The following TMED3 variants were observed in gnomAD, a reference collection of about 807,000 sequenced individuals.
TMED3 encodes the protein transmembrane p24 trafficking protein 3.
TMED3 carries 9 observed loss-of-function variants against 15.0 expected under a neutral mutation model. That is an observed-to-expected ratio of 0.60 (90% CI 0.36 to 1.04). The LOEUF (loss-of-function observed/expected upper bound fraction) is 1.04, where lower values mean the gene tolerates loss of function less well. Among genes scored for constraint, TMED3 ranks in the 50% least tolerant of loss-of-function variants. The probability of loss-of-function intolerance (pLI) is 0.01; values close to 1 mark genes in which losing one functional copy is unlikely to be tolerated. For synonymous variants in TMED3, 117 were observed against 121.4 expected (o/e 0.96, Z 0.24); for missense variants, 267 against 278.9 (o/e 0.96, Z 0.30).
At chr15:79,350,369 C>T (rs12904868) in intron 2 of TMED3, among the ~76,000 whole-genome samples, 14,236 of 152,108 alleles carry the variant, frequency 0.094, 710 homozygotes, top group Admixed American at 0.12. Context: ...GAAGCCAGTC[C>T]GAGTCCCAAA....
intron 2 of TMED3, among the ~76,000 whole-genome samples, chr15:79,371,506 G>A (rs1460575939): frequency 6.6e-6 from 1 of 152,212 alleles, no homozygotes; most frequent in Non-Finnish European, 1.5e-5. Flanking sequence ...CTAGCCAAGT[G>A]AGGAGAATGG....
chr15:79,340,954 G>A (rs2058849379), intron 2 of TMED3, among the ~76,000 whole-genome samples: 1 of 152,148 alleles, frequency 6.6e-6, no homozygotes, highest in Admixed American at 6.5e-5. Context: ...AGCACTTTGG[G>A]AGGCCAAGGC....
intron 2 of TMED3, among the ~76,000 whole-genome samples, chr15:79,334,406 AG>A (rs751700515): frequency 9.2e-5 from 14 of 152,328 alleles, no homozygotes; most frequent in Non-Finnish European, 2.9e-5. Context: ...TGTGAGCAGC[AG>A]GGGTGACCCC....
intron 2 of TMED3, among the ~76,000 whole-genome samples, chr15:79,364,194 G>A (rs976739450): frequency 6.6e-6 from 1 of 152,144 alleles, no homozygotes; most frequent in Admixed American, 6.5e-5. Context: ...AAGCTGATGG[G>A]ACTGGGTTCC....
chr15:79,328,914 G>A (rs1344180254), intron 2 of TMED3, among the ~76,000 whole-genome samples: 1 of 152,166 alleles, frequency 6.6e-6, no homozygotes, highest in East Asian at 1.9e-4. Flanking sequence ...ACCCACAGCC[G>A]ACCCCTTTGC....
chr15:79,370,111 G>A (rs572220018), intron 2 of TMED3, among the ~76,000 whole-genome samples: 34 of 151,934 alleles, frequency 2.2e-4, no homozygotes, highest in African/African-American at 7.0e-4. Context: ...TTTTTTTTGA[G>A]ACAGAGTCTC....
In TMED3 at chr15:79,311,289, C is replaced by G; in HGVS notation, c.40C>G (p.Leu14Val). 1 of 1,607,492 alleles carries G rather than the reference C, an allele frequency of 6.2e-7. No homozygotes were observed. The highest frequency in any genetic ancestry group is 8.5e-7 in the Non-Finnish European group (1 of 1,177,956). Residue 14 changes from leucine (L) to valine (V), a missense_variant, in exon 1 of 3, where the codon CTG becomes GTG. Physicochemically the swap from Leu to Val is conservative, Grantham distance 32 (BLOSUM62 1). Transcript: ENST00000299705. ...TVPRSASVLL[L>V]LLLLRRAEQP... is the part of the protein sequence containing the mutation. Reference sequence around the variant, plus strand: ...CCCGCGCTCCGCCTCCGTGCTGCTTCTGCTGCTGCTCCTGCGCCGGGCCGA... The same window carrying G: ...CCCGCGCTCCGCCTCCGTGCTGCTTGTGCTGCTGCTCCTGCGCCGGGCCGA...
intron 2 of TMED3, among the ~76,000 whole-genome samples, chr15:79,336,032 A>G (rs1415593418): frequency 1.3e-5 from 2 of 152,248 alleles, no homozygotes; most frequent in Non-Finnish European, 2.9e-5. Flanking sequence ...AAGGAAAATA[A>G]GGAAAGCCAT....
At chr15:79,380,598 TA>T (rs1893515638) in intron 2 of TMED3, among the ~76,000 whole-genome samples, 1 of 146,324 alleles carries the variant, frequency 6.8e-6, no homozygotes, top group South Asian at 2.1e-4. Context: ...TATATATATA[TA>T]TAGAGAGAGA....
chr15:79,342,667 A>G (rs2058855816), intron 2 of TMED3, among the ~76,000 whole-genome samples: 1 of 152,214 alleles, frequency 6.6e-6, no homozygotes, highest in Non-Finnish European at 1.5e-5. Context: ...ACCAAAAGAC[A>G]AAAGGCAAAC....
At chr15:79,386,699 T>C (rs1365485377) in intron 2 of TMED3, among the ~76,000 whole-genome samples, 3 of 108,402 alleles carry the variant, frequency 2.8e-5, no homozygotes, top group Non-Finnish European at 5.5e-5. Context: ...CCACCATGCC[T>C]GGCTATTTTT....
At chr15:79,372,776 A>G (rs559327251) in intron 2 of TMED3, among the ~76,000 whole-genome samples, 1 of 152,266 alleles carries the variant, frequency 6.6e-6, no homozygotes, top group Admixed American at 6.5e-5. Flanking sequence ...GCCAAACCAT[A>G]TCACTCCCCA....
At position 79,349,012 on chromosome 15, in the gene TMED3, A is replaced by AT. The variant is rs201394908; in HGVS notation, c.417+35013dup. 8.0e-3 allele frequency among the ~76,000 whole-genome samples: 1,213 copies of AT among 151,680 alleles called. 14 individuals are homozygous for AT. Among genetic ancestry groups the AT allele is most frequent in the Admixed American group, 0.011 (166 of 15,232 alleles). ...CACCACCATGCCCACTAGTTTTTTG[A>AT]TTTTTTGTAGAGACAGGGTCTCCCT... On this transcript the variant is annotated intron_variant, in intron 2 of 2. Coordinates refer to the TMED3 transcript ENST00000424155.
intron 2 of TMED3, among the ~76,000 whole-genome samples, chr15:79,362,406 A>C (rs1893149395): frequency 6.6e-6 from 1 of 151,838 alleles, no homozygotes; most frequent in Non-Finnish European, 1.5e-5. Flanking sequence ...GGATTTCTTG[A>C]GCCTGGGAGG....
At chr15:79,354,676 G>A (rs904323255) in intron 2 of TMED3, among the ~76,000 whole-genome samples, 2 of 151,820 alleles carry the variant, frequency 1.3e-5, no homozygotes, top group Admixed American at 6.6e-5. Flanking sequence ...GAAAAAAGGG[G>A]ACTCTTTGCA....
At chr15:79,317,847 G>A (rs2058747620) in intron 2 of TMED3, among the ~76,000 whole-genome samples, 1 of 152,208 alleles carries the variant, frequency 6.6e-6, no homozygotes, top group Non-Finnish European at 1.5e-5. Flanking sequence ...AGCCACCTAA[G>A]TGGTTTCCCT....
At chr15:79,391,429 A>C (rs1236927931) in intron 2 of TMED3, among the ~76,000 whole-genome samples, 1 of 152,130 alleles carries the variant, frequency 6.6e-6, no homozygotes, top group Non-Finnish European at 1.5e-5. Context: ...CTGTGGTCTG[A>C]GAGCATGCTT....
At chr15:79,350,103 A>G (rs1253069858) in intron 2 of TMED3, among the ~76,000 whole-genome samples, 1 of 152,142 alleles carries the variant, frequency 6.6e-6, no homozygotes, top group Non-Finnish European at 1.5e-5. Context: ...CAGCACAGAG[A>G]AGGCTCAGTG....
chr15:79,407,466 C>A (rs968442024), intron 2 of TMED3, among the ~76,000 whole-genome samples: 1 of 152,096 alleles, frequency 6.6e-6, no homozygotes, highest in African/African-American at 2.4e-5. Context: ...GACTCTATAT[C>A]CCTGTTCTGT....
Sources: gnomAD v4.1 joint callset for allele counts (sites outside exome capture counted in the v4.1 genomes callset) on GRCh38, gnomAD v4.1.1 for gene constraint, MANE v1.5 for transcripts, NCBI Gene and HGNC (gene_info 2026-07-23, HGNC 2026-07-21) for gene names.